ACAN: variants seen among roughly 807,000 people sequenced by gnomAD.
The protein encoded by ACAN is aggrecan core protein.
In ACAN, 47 loss-of-function variants were observed where a neutral mutation model predicts 169.1. The observed-to-expected ratio is 0.28, with a 90% CI of 0.22 to 0.35. The LOEUF (loss-of-function observed/expected upper bound fraction) is 0.35. Among genes scored for constraint, ACAN ranks in the 10% least tolerant of loss-of-function variants. ACAN has a pLI of 1.00. For synonymous variants in ACAN, 1,115 were observed against 1,112.2 expected (o/e 1.00, Z -0.05); for missense variants, 2,716 against 2,759.9 (o/e 0.98, Z 0.36).
In ACAN at chr15:88,872,564, G is replaced by A. The variant is rs1181911012; in HGVS notation, c.7303-317G>A. ...CATCCATCCCTACCCAATGTGGTCA[G>A]CCCTGGTTGGCCCTTCTGGATAAGA... On this transcript the variant is annotated intron_variant, in intron 16 of 18. Transcript: ENST00000560601. This position sits in a 1 kb window ranked among gnomAD's most constrained non-coding sequence, Gnocchi z 5.4. 6.6e-6 allele frequency among the ~76,000 whole-genome samples: 1 copy of A among 152,114 alleles called. No individual in the cohort carries two copies. The highest frequency in any genetic ancestry group is 2.4e-5 in the African/African-American group (1 of 41,420).
Position 88,871,339 on chromosome 15 carries a change from G to C in ACAN, c.7061-43G>C, listed in dbSNP as rs763622517. 33 of 1,612,122 alleles carry C rather than the reference G, an allele frequency of 2.0e-5. No homozygotes were observed. Among genetic ancestry groups the C allele is most frequent in the Non-Finnish European group, 1.0e-5 (12 of 1,179,554 alleles). On this transcript the variant is annotated intron_variant, in intron 14 of 18. Transcript: ENST00000560601. This position sits in a 1 kb window ranked among gnomAD's most constrained non-coding sequence, Gnocchi z 7.8. Reference sequence around the variant, plus strand: ...GACTGGCAGCATCTGCCATCCCCTGGTGGCCTCTGCCCCTCCCTTCAAGCC... The same window carrying C: ...GACTGGCAGCATCTGCCATCCCCTGCTGGCCTCTGCCCCTCCCTTCAAGCC...
At chr15:88,833,808 C>G (rs78668794) in intron 1 of ACAN, among the ~76,000 whole-genome samples, 1,847 of 146,074 alleles carry the variant, frequency 0.013, 15 homozygotes, top group Non-Finnish European at 0.017. Context: ...CCGTCCAAGC[C>G]CCACAGAGCA....
intron 1 of ACAN, among the ~76,000 whole-genome samples, chr15:88,818,580 G>A (rs72765673): frequency 1.7e-4 from 26 of 152,248 alleles, no homozygotes; most frequent in South Asian, 6.2e-4. Flanking sequence ...TTTCTCATAC[G>A]ATATGGCCCT....
rs1803020468 is a variant in ACAN, at chr15:88,868,710, G to A, written c.7060+381G>A. ...CAGATGACAGCCACGGATCTTCTCA[G>A]TGTGGTCATGGGCATGGGACCTTTG... On this transcript the variant is annotated intron_variant, in intron 14 of 18. Coordinates refer to ENST00000560601, the MANE Select transcript of ACAN (RefSeq NM_001369268.1). This position sits in a 1 kb window ranked among gnomAD's most constrained non-coding sequence, Gnocchi z 5.2. Among the ~76,000 whole-genome samples, 1 of 152,204 alleles carries A rather than the reference G, an allele frequency of 6.6e-6. No individual in the cohort carries two copies. The highest frequency in any genetic ancestry group is 2.4e-5 in the African/African-American group (1 of 41,444).
In ACAN at chr15:88,855,279, C is replaced by G; in HGVS notation, c.2694C>G (p.Asp898Glu). Residue 898 changes from aspartate to glutamate, a missense_variant, in exon 12 of 19, where the codon GAC (aspartate) becomes GAG (glutamate). By Grantham distance (45) the Asp-to-Glu change is conservative. Coordinates refer to ENST00000560601, the MANE Select transcript of ACAN (RefSeq NM_001369268.1). The stretch of plus-strand genomic sequence containing the variant: ...GGGCAAGTGGACTGCCCTCTGGAGA[C>G]CTGGACTCCAGTGGTCTTACTTCCA... ...GDRASGLPSGDLDSSGLTSTV... is the reference protein window; with the variant it reads ...GDRASGLPSGELDSSGLTSTV... The G allele has an allele frequency of 6.2e-7, 1 of 1,610,720 alleles. No individual in the cohort carries two copies. Among genetic ancestry groups the G allele is most frequent in the Non-Finnish European group, 8.5e-7 (1 of 1,177,564 alleles).
chr15:88,847,155 A>G, intron 7 of ACAN, 88 bp from the exon 8 acceptor site: 1 of 1,322,512 alleles, frequency 7.6e-7, no homozygotes. Flanking sequence ...GTCAGGCAGC[A>G]GGAGTTGGCC....
chr15:88,872,362 T>G lies in ACAN; in HGVS notation c.7302+277T>G, dbSNP rs1043183015. On this transcript the variant is annotated intron_variant, in intron 16 of 18. Coordinates refer to ENST00000560601, the MANE Select transcript of ACAN (RefSeq NM_001369268.1). The surrounding 1 kb of genome is among the most constrained non-coding windows in gnomAD (Gnocchi z 5.4). Reference sequence around the variant, plus strand: ...GGAGTATACGGAAGCTTTAGAGAGGTTTCTTGCCCACACTGAACTCGAGTC... The same window carrying G: ...GGAGTATACGGAAGCTTTAGAGAGGGTTCTTGCCCACACTGAACTCGAGTC... Among the ~76,000 whole-genome samples, 3 of 151,846 alleles carry G rather than the reference T, an allele frequency of 2.0e-5. No individual in the cohort carries two copies. Among genetic ancestry groups the G allele is most frequent in the East Asian group, 3.9e-4 (2 of 5,164 alleles).
In ACAN at chr15:88,845,718, C is replaced by T; in HGVS notation, c.1265C>T (p.Pro422Leu). The T allele has an allele frequency of 6.2e-7, 1 of 1,613,942 alleles. No individual in the cohort carries two copies. The highest frequency in any genetic ancestry group is 1.1e-5 in the South Asian group (1 of 91,072). ...LEPEEPFTFA[P>L]EIGATAFAEV... ...CCCGAGGAGCCCTTCACGTTTGCCC[C>T]TGAAATAGGGGCCACTGCCTTCGCT... The change falls in exon 7 of 19, where the codon CCT becomes CTT. Residue 422 changes from proline to leucine, a missense_variant. By Grantham distance (98) the Pro-to-Leu change is moderately conservative (BLOSUM62 -3). Coordinates refer to ENST00000560601, the MANE Select transcript of ACAN (RefSeq NM_001369268.1).
At chr15:88,867,470 A>G (rs1897298242) in intron 13 of ACAN, among the ~76,000 whole-genome samples, 1 of 152,162 alleles carries the variant, frequency 6.6e-6, no homozygotes, top group South Asian at 2.1e-4. Flanking sequence ...GTCTCCCTGG[A>G]GATAGCCACC....
rs1351290338 is a variant in ACAN, at chr15:88,869,732, C to T, written c.7060+1403C>T. 6.6e-6 allele frequency among the ~76,000 whole-genome samples: 1 copy of T among 152,214 alleles called. No homozygotes were observed. Among genetic ancestry groups the T allele is most frequent in the Non-Finnish European group, 1.5e-5 (1 of 68,034 alleles). On this transcript the variant is annotated intron_variant, in intron 14 of 18. Coordinates refer to ENST00000560601, the MANE Select transcript of ACAN (RefSeq NM_001369268.1). This position sits in a 1 kb window ranked among gnomAD's most constrained non-coding sequence, Gnocchi z 4.2. ...TGGTGACAGAGCCACCCAGCTCGGC[C>T]CTGGGCCTGGGGGCCCAGCTAAGCA... is the stretch of plus-strand genomic sequence containing the variant.
rs1287083797 is a variant in ACAN, at chr15:88,868,743, T to C, written c.7060+414T>C. 6.6e-6 allele frequency among the ~76,000 whole-genome samples: 1 copy of C among 152,180 alleles called. No homozygotes were observed. The highest frequency in any genetic ancestry group is 1.9e-4 in the East Asian group (1 of 5,196). On this transcript the variant is annotated intron_variant, in intron 14 of 18. Transcript: ENST00000560601. The surrounding 1 kb of genome is among the most constrained non-coding windows in gnomAD (Gnocchi z 5.2). ...ATGGGCATGGGACCTTTGTGGTTCCTTCATGGCCCTGGGAGCCACTGTGCC... is the reference window on the plus strand; with the variant it reads ...ATGGGCATGGGACCTTTGTGGTTCCCTCATGGCCCTGGGAGCCACTGTGCC...
intron 1 of ACAN, among the ~76,000 whole-genome samples, chr15:88,806,252 C>T (rs1596107795): frequency 6.6e-6 from 1 of 152,204 alleles, no homozygotes; most frequent in Non-Finnish European, 1.5e-5. Flanking sequence ...TCTAACAGCT[C>T]CTAAGCCCCC....
In ACAN at chr15:88,807,785, T is replaced by TGTGTGTGC. The variant is rs1555450501; in HGVS notation, c.-8+3977_-8+3978insTGTGTGCG. Among the ~76,000 whole-genome samples, 68 of 151,700 alleles carry TGTGTGTGC rather than the reference T, an allele frequency of 4.5e-4. 1 individual carries two copies. Among genetic ancestry groups the TGTGTGTGC allele is most frequent in the South Asian group, 2.5e-3 (12 of 4,782 alleles). ...GTGTGTGTGTGTGTGTGTGTGTGTG[T>TGTGTGTGC]GCATGCTGGCAGGGCGGGCCCTGCG... On this transcript the variant is annotated intron_variant, in intron 1 of 18. Coordinates refer to ENST00000560601, the MANE Select transcript of ACAN (RefSeq NM_001369268.1). The surrounding 1 kb of genome is among the most constrained non-coding windows in gnomAD (Gnocchi z 4.0).
intron 1 of ACAN, among the ~76,000 whole-genome samples, chr15:88,834,078 C>T (rs1896439029): frequency 6.6e-6 from 1 of 152,194 alleles, no homozygotes; most frequent in Non-Finnish European, 1.5e-5. Flanking sequence ...GGGGCTTGAA[C>T]CAGAGCCCCT....
chr15:88,828,270 C>G (rs1385409517), intron 1 of ACAN, among the ~76,000 whole-genome samples: 1 of 152,172 alleles, frequency 6.6e-6, no homozygotes, highest in African/African-American at 2.4e-5. Flanking sequence ...GGGCCAGACC[C>G]TAGCCCCAGA....
In ACAN at chr15:88,845,731, C is replaced by G; in HGVS notation, c.1278C>G (p.Ala426=). 1 of 1,613,828 alleles carries G rather than the reference C, an allele frequency of 6.2e-7. No individual in the cohort carries two copies. The highest frequency in any genetic ancestry group is 8.5e-7 in the Non-Finnish European group (1 of 1,179,824). ...TCACGTTTGCCCCTGAAATAGGGGC[C>G]ACTGCCTTCGCTGAGGTTGAGAATG... ...EPFTFAPEIG[A]TAFAEVENET... is the part of the protein sequence containing the mutation. The change falls in exon 7 of 19, where the codon GCC becomes GCG. Residue 426 remains alanine, a synonymous_variant. Transcript: ENST00000560601.
In ACAN at chr15:88,839,300, T is replaced by G. The variant is rs1343533506; in HGVS notation, c.454+254T>G. Among the ~76,000 whole-genome samples, 1 of 152,242 alleles carries G rather than the reference T, an allele frequency of 6.6e-6. No individual in the cohort carries two copies. The highest frequency in any genetic ancestry group is 2.4e-5 in the African/African-American group (1 of 41,472). ...TTTGTGCTTCCCAAGAATCCTGTGA[T>G]CCGGTGGGTCTTGTGATCGTGCCCA... On this transcript the variant is annotated intron_variant, in intron 3 of 18. Coordinates refer to ENST00000560601, the MANE Select transcript of ACAN (RefSeq NM_001369268.1). The surrounding 1 kb of genome is among the most constrained non-coding windows in gnomAD (Gnocchi z 4.5).
In ACAN at chr15:88,851,965, C is replaced by A; in HGVS notation, c.2198C>A (p.Thr733Asn). ...GAGACTACTGCCATCCTAGAGTTCA[C>A]CACCGAGCCAGAAAACCAGACAGAA... ...SGETTAILEF[T>N]TEPENQTEWE... Residue 733 changes from threonine (T) to asparagine (N), a missense_variant, in exon 11 of 19, where the codon ACC becomes AAC. Thr to Asn is a moderately conservative substitution (Grantham distance 65). Around this residue, in one of 3 missense-constraint regions of ACAN, gnomAD observed 1,283 missense variants for 1,281.5 expected, o/e 1.00. Transcript: ENST00000560601. The surrounding 1 kb of genome is among the most constrained non-coding windows in gnomAD (Gnocchi z 4.3). 1 of 1,612,328 alleles carries A rather than the reference C, an allele frequency of 6.2e-7. No individual in the cohort carries two copies. The highest frequency in any genetic ancestry group is 8.5e-7 in the Non-Finnish European group (1 of 1,179,254).
At position 88,861,671 on chromosome 15, in the gene ACAN, C is replaced by T. The variant is rs566091771; in HGVS notation, c.6946+1232C>T. On this transcript the variant is annotated intron_variant, in intron 13 of 18. Coordinates refer to ENST00000560601, the MANE Select transcript of ACAN (RefSeq NM_001369268.1). The surrounding 1 kb of genome is among the most constrained non-coding windows in gnomAD (Gnocchi z 6.3). ...TTACTGCAGAAGGGGACAGCATTTC[C>T]ACTGGGCCATAGTGACCCCAGGGAC... is the stretch of plus-strand genomic sequence containing the variant. Among the ~76,000 whole-genome samples the T allele has an allele frequency of 9.2e-4, 140 of 152,196 alleles. 1 individual carries two copies. Among genetic ancestry groups the T allele is most frequent in the African/African-American group, 3.3e-3 (135 of 41,514 alleles).
Sources: gnomAD v4.1 joint callset for allele counts (sites outside exome capture counted in the v4.1 genomes callset) on GRCh38, gnomAD v4.1.1 for gene constraint, gnomAD v4.1.1 regional missense constraint, Gnocchi (gnomAD v3.1) non-coding constraint, MANE v1.5 for transcripts, NCBI Gene and HGNC (gene_info 2026-07-23, HGNC 2026-07-21) for gene names.